The following MEF2A variants were observed in gnomAD, a reference collection of about 807,000 sequenced individuals.
MEF2A encodes the protein myocyte-specific enhancer factor 2A.
Under a neutral mutation model 55.8 loss-of-function variants are expected in MEF2A, and 28 were observed. The ratio of observed to expected loss-of-function variants is 0.50; its 90% CI spans 0.37 to 0.69. The LOEUF is 0.69. MEF2A is among the 30% of genes least tolerant of loss of function. The pLI, the probability that MEF2A is intolerant of heterozygous loss-of-function variation, is 0.00. For missense variants in MEF2A, 528 were observed against 626.2 expected (o/e 0.84, Z 1.67); for synonymous variants, 239 against 227.1 (o/e 1.05, Z -0.47).
chr15:99,661,793 A>T (rs1013345425), intron 4 of MEF2A, among the ~76,000 whole-genome samples: 1 of 152,120 alleles, frequency 6.6e-6, no homozygotes, highest in African/African-American at 2.4e-5. Context: ...ATACATACCC[A>T]AGAGAAATGT....
chr15:99,617,713 C>G (rs1336129003), intron 2 of MEF2A, among the ~76,000 whole-genome samples: 7 of 151,914 alleles, frequency 4.6e-5, no homozygotes, highest in Non-Finnish European at 1.0e-4. Context: ...TCATTTTCTT[C>G]CACTCTTTCA....
chr15:99,669,159 T>C (rs1018700431), intron 4 of MEF2A, among the ~76,000 whole-genome samples: 1 of 152,208 alleles, frequency 6.6e-6, no homozygotes, highest in Admixed American at 6.5e-5. Context: ...CAAAGAGATA[T>C]ATACTTGGTG....
chr15:99,691,013 A>G (rs1268642663), intron 8 of MEF2A, among the ~76,000 whole-genome samples: 4 of 152,150 alleles, frequency 2.6e-5, no homozygotes, highest in East Asian at 3.8e-4. Context: ...AGATGCCCCA[A>G]ACACCCTGAC....
intron 2 of MEF2A, among the ~76,000 whole-genome samples, chr15:99,620,313 G>T (rs1251723401): frequency 1.3e-5 from 2 of 152,140 alleles, no homozygotes; most frequent in African/African-American, 4.8e-5. Flanking sequence ...CACAGTAGGT[G>T]ATAGTTTTTC....
At chr15:99,578,270 C>T (rs1964921385) in intron 1 of MEF2A, among the ~76,000 whole-genome samples, 1 of 152,116 alleles carries the variant, frequency 6.6e-6, no homozygotes, top group Non-Finnish European at 1.5e-5. Context: ...TTTATTCATT[C>T]ATTTATATCA....
At chr15:99,653,071 T>C (rs544715372) in intron 4 of MEF2A, among the ~76,000 whole-genome samples, 1 of 152,236 alleles carries the variant, frequency 6.6e-6, no homozygotes, top group African/African-American at 2.4e-5. Flanking sequence ...ATTAAGCATA[T>C]AACTATTATA....
At position 99,596,595 on chromosome 15, in the gene MEF2A, G is replaced by A. The variant is rs1173895825; in HGVS notation, c.-224-1835G>A. Among the ~76,000 whole-genome samples the A allele has an allele frequency of 3.0e-4, 46 of 152,180 alleles. 2 individuals carry two copies. Among genetic ancestry groups the A allele is most frequent in the Admixed American group, 3.0e-3 (46 of 15,280 alleles). On this transcript the variant is annotated intron_variant, in intron 1 of 11. Coordinates refer to ENST00000557942, the MANE Select transcript of MEF2A (RefSeq NM_001319206.4). ...TCAGATTCAAAAGATTGGTGTTTCT[G>A]TGGATAAATTACCATTTTCATTTGA...
rs1358216124 is a variant in MEF2A at position 99,712,635 on chromosome 15, G to A, written c.1382G>A (p.Ser461Asn). The part of the protein sequence containing the change: ...SPVDSLSSSS[S>N]SYDGSDREDP... ...GTGGACAGTCTGAGCAGCTCTAGTA[G>A]CTCCTATGATGGCAGTGATCGGGAG... The change falls in exon 12 of 12, where the codon AGC (serine) becomes AAC (asparagine). Residue 461 changes from serine (S) to asparagine (N), a missense_variant. Ser to Asn is a conservative substitution (Grantham distance 46). This residue lies in a region of MEF2A where 450 missense variants were observed against 475.3 expected (regional missense o/e 0.95). Coordinates refer to ENST00000557942, the MANE Select transcript of MEF2A (RefSeq NM_001319206.4). The surrounding 1 kb of genome is among the most constrained non-coding windows in gnomAD (Gnocchi z 4.1). 2.1e-5 allele frequency: 33 copies of A among 1,552,750 alleles called. No homozygotes were observed. Among genetic ancestry groups the A allele is most frequent in the Non-Finnish European group, 2.9e-5 (33 of 1,147,706 alleles).
At chr15:99,620,248 A>T (rs2040907552) in intron 2 of MEF2A, among the ~76,000 whole-genome samples, 1 of 152,050 alleles carries the variant, frequency 6.6e-6, no homozygotes, top group African/African-American at 2.4e-5. Flanking sequence ...TACATGAGTA[A>T]ATTGCGTGTC....
At chr15:99,617,108 A>C (rs1219630389) in intron 2 of MEF2A, among the ~76,000 whole-genome samples, 1 of 152,066 alleles carries the variant, frequency 6.6e-6, no homozygotes, top group Non-Finnish European at 1.5e-5. Context: ...GTCTTCTGTC[A>C]CCCAGCACTG....
intron 1 of MEF2A, among the ~76,000 whole-genome samples, chr15:99,580,289 G>C (rs969167547): frequency 2.0e-5 from 3 of 152,032 alleles, no homozygotes; most frequent in African/African-American, 4.8e-5. Context: ...TTGTCTTCAG[G>C]CTGTGCTGTG....
At chr15:99,565,462 C>T (rs925357645), upstream of MEF2A, 1 of 149,506 alleles carries the variant, frequency 6.7e-6, no homozygotes, top group African/African-American at 2.4e-5. Flanking sequence ...GCCTGGGCTC[C>T]CGGGGGCTGG....
intron 1 of MEF2A, among the ~76,000 whole-genome samples, chr15:99,588,838 G>A (rs958550528): frequency 6.6e-6 from 1 of 151,870 alleles, no homozygotes; most frequent in Non-Finnish European, 1.5e-5. Context: ...AATCACATGG[G>A]TTTTTTTGGC....
At chr15:99,592,303 ACTGC>A (rs1415703429) in intron 1 of MEF2A, among the ~76,000 whole-genome samples, 1 of 151,572 alleles carries the variant, frequency 6.6e-6, no homozygotes, top group Non-Finnish European at 1.5e-5. Flanking sequence ...TTTTTATTAT[ACTGC>A]TTCCTGATCA....
intron 2 of MEF2A, among the ~76,000 whole-genome samples, chr15:99,614,281 G>A (rs1183231495): frequency 6.6e-6 from 1 of 151,932 alleles, no homozygotes; most frequent in Admixed American, 6.6e-5. Flanking sequence ...TTGGAGATGA[G>A]GTCTCACTAT....
intron 2 of MEF2A, among the ~76,000 whole-genome samples, chr15:99,620,005 T>C (rs1350533650): frequency 6.6e-6 from 1 of 152,272 alleles, no homozygotes; most frequent in Non-Finnish European, 1.5e-5. Context: ...AGGATGTTTT[T>C]CTTCTTAACC....
chr15:99,626,748 T>G (rs2042112619), intron 2 of MEF2A, among the ~76,000 whole-genome samples: 2 of 152,214 alleles, frequency 1.3e-5, no homozygotes, highest in Non-Finnish European at 2.9e-5. Flanking sequence ...TTAACATCTT[T>G]ATAAAGTTGA....
At chr15:99,646,488 T>A (rs1202457277) in intron 4 of MEF2A, among the ~76,000 whole-genome samples, 2 of 152,106 alleles carry the variant, frequency 1.3e-5, no homozygotes, top group Non-Finnish European at 2.9e-5. Flanking sequence ...TTGTTTATAT[T>A]TGGAGGTTTT....
intron 8 of MEF2A, among the ~76,000 whole-genome samples, chr15:99,699,029 C>T (rs2056950575): frequency 6.8e-6 from 1 of 147,746 alleles, no homozygotes; most frequent in Admixed American, 6.8e-5. Context: ...CCAGCCTGGG[C>T]AACACAGCAA....
Sources: allele counts gnomAD v4.1 joint callset (sites outside exome capture counted in the v4.1 genomes callset), GRCh38; gene constraint gnomAD v4.1.1; regional missense constraint gnomAD v4.1.1; non-coding constraint Gnocchi (gnomAD v3.1); transcripts MANE v1.5; gene names NCBI Gene and HGNC (gene_info 2026-07-23, HGNC 2026-07-21).